BLTP3B: variants seen among roughly 807,000 people sequenced by gnomAD.
BLTP3B encodes the protein UHRF1 (ICBP90) binding protein 1-like.
the BLTP3B span, chr12:100,089,055 G>A: frequency 1.1e-5 from 17 of 1,608,590 alleles, no homozygotes; most frequent in African/African-American, 2.7e-5. Flanking sequence ...TGAAGTTTGC[G>A]TTGTCTTCAC....
At chr12:100,117,403 C>G in the BLTP3B span, among the ~76,000 whole-genome samples, 1 of 152,146 alleles carries the variant, frequency 6.6e-6, no homozygotes, top group Non-Finnish European at 1.5e-5. Context: ...ACCCCTAATG[C>G]CAATCTAATC....
At chr12:100,067,284 G>C in the BLTP3B span, among the ~76,000 whole-genome samples, 1 of 151,956 alleles carries the variant, frequency 6.6e-6, no homozygotes, top group Admixed American at 6.6e-5. Context: ...CAAGGAACTA[G>C]AGAAACAAGA....
the BLTP3B span, among the ~76,000 whole-genome samples, chr12:100,052,854 T>G: frequency 1.4e-4 from 21 of 147,030 alleles, no homozygotes; most frequent in Non-Finnish European, 2.5e-4. Context: ...AGTGCAGTGG[T>G]GCGATCTCTG....
At chr12:100,125,003 T>C in the BLTP3B span, among the ~76,000 whole-genome samples, 1 of 132,542 alleles carries the variant, frequency 7.5e-6, no homozygotes, top group Admixed American at 8.0e-5. Flanking sequence ...TTAAGGTCCA[T>C]ATATATATAT....
At chr12:100,038,977 T>C in the BLTP3B span, among the ~76,000 whole-genome samples, 1 of 152,196 alleles carries the variant, frequency 6.6e-6, no homozygotes, top group Admixed American at 6.5e-5. Flanking sequence ...TGACTACCAA[T>C]TGAACACTCT....
At chr12:100,131,338 A>C in the BLTP3B span, among the ~76,000 whole-genome samples, 3 of 151,212 alleles carry the variant, frequency 2.0e-5, no homozygotes, top group Non-Finnish European at 4.4e-5. Context: ...ATTAATTTAA[A>C]GTTTTAAAAT....
chr12:100,069,579 C>T, the BLTP3B span, among the ~76,000 whole-genome samples: 32 of 152,186 alleles, frequency 2.1e-4, no homozygotes, highest in East Asian at 2.1e-3. Flanking sequence ...AGACTGGAGA[C>T]TATTATTCTA....
the BLTP3B span, chr12:100,084,418 A>AGAGCG: frequency 7.7e-7 from 1 of 1,301,760 alleles, no homozygotes; most frequent in Admixed American, 1.9e-5. Flanking sequence ...ACACACACAC[A>AGAGCG]CACACACAGA....
At chr12:100,048,099 T>C in the BLTP3B span, 1 of 1,613,390 alleles carries the variant, frequency 6.2e-7, no homozygotes, top group Non-Finnish European at 8.5e-7. Context: ...CATTTTTTTC[T>C]GCAAGTAAAG....
At chr12:100,101,425 T>C in the BLTP3B span, among the ~76,000 whole-genome samples, 1 of 152,198 alleles carries the variant, frequency 6.6e-6, no homozygotes, top group African/African-American at 2.4e-5. Context: ...AAGAAAAGTT[T>C]TATCAATTGT....
chr12:100,132,505 T>A, the BLTP3B span, among the ~76,000 whole-genome samples: 1 of 152,230 alleles, frequency 6.6e-6, no homozygotes, highest in East Asian at 1.9e-4. Flanking sequence ...TCCCTCAGGC[T>A]CTGCCCTCTT....
At chr12:100,101,496 G>C in the BLTP3B span, among the ~76,000 whole-genome samples, 1 of 152,042 alleles carries the variant, frequency 6.6e-6, no homozygotes, top group Admixed American at 6.6e-5. Context: ...AATATGAGGA[G>C]GCATTAATCA....
chr12:100,038,237 C>G, the BLTP3B span, among the ~76,000 whole-genome samples: 1 of 152,150 alleles, frequency 6.6e-6, no homozygotes, highest in Non-Finnish European at 1.5e-5. Context: ...GAGTCACTTT[C>G]TTGGATGATC....
the BLTP3B span, chr12:100,084,417 CACACACACAG>C: frequency 5.9e-6 from 7 of 1,191,382 alleles, no homozygotes; most frequent in East Asian, 2.3e-5. Flanking sequence ...CACACACACA[CACACACACAG>C]AGTGCAAACA....
the BLTP3B span, among the ~76,000 whole-genome samples, chr12:100,042,832 C>T: frequency 4.1e-4 from 63 of 152,162 alleles, no homozygotes; most frequent in Admixed American, 1.8e-3. Flanking sequence ...TGGATTCTTG[C>T]TCTGTTGTTC....
the BLTP3B span, among the ~76,000 whole-genome samples, chr12:100,125,319 C>T: frequency 2.6e-4 from 35 of 134,446 alleles, 1 homozygote; most frequent in South Asian, 7.1e-4. Context: ...GGTGACAGAG[C>T]GACCGGTTTC....
At chr12:100,069,094 T>C in the BLTP3B span, among the ~76,000 whole-genome samples, 13 of 152,126 alleles carry the variant, frequency 8.5e-5, no homozygotes, top group African/African-American at 2.6e-4. Context: ...CTAGATGCAG[T>C]GGTGCTACTC....
chr12:100,065,655 A>T, the BLTP3B span, among the ~76,000 whole-genome samples: 1 of 152,196 alleles, frequency 6.6e-6, no homozygotes, highest in Non-Finnish European at 1.5e-5. Context: ...ATTTGAGGTC[A>T]GACCAGTGAT....
chr12:100,048,192 G>T, the BLTP3B span: 27 of 1,573,836 alleles, frequency 1.7e-5, no homozygotes, highest in African/African-American at 2.7e-5. Context: ...CTTTCTGATC[G>T]GAACCTAAGG....
Sources: allele counts gnomAD v4.1 joint callset (sites outside exome capture counted in the v4.1 genomes callset), GRCh38; gene constraint gnomAD v4.1.1; transcripts MANE v1.5; gene names NCBI Gene and HGNC (gene_info 2026-07-23, HGNC 2026-07-21).